ZNF438: variants seen among roughly 807,000 people sequenced by gnomAD.
ZNF438 encodes the protein zinc finger protein 438.
Under a neutral mutation model 38.0 loss-of-function variants are expected in ZNF438, and 25 were observed. The observed-to-expected ratio is 0.66, with a 90% confidence interval of 0.48 to 0.92. ZNF438 has a LOEUF of 0.92. Among genes scored for constraint, ZNF438 ranks in the 40% least tolerant of loss-of-function variants. The pLI is 0.00. For synonymous variants in ZNF438, 372 were observed against 364.1 expected (o/e 1.02, Z -0.25); for missense variants, 1,007 against 999.6 (o/e 1.01, Z -0.10).
At chr10:30,857,115 C>A (rs1275897720) in intron 4 of ZNF438, among the ~76,000 whole-genome samples, 1 of 152,090 alleles carries the variant, frequency 6.6e-6, no homozygotes, top group African/African-American at 2.4e-5. Flanking sequence ...GAAGCAATGA[C>A]CTTTTTCTTC....
chr10:30,849,745 T>C, exon 5 of ZNF438: 1 of 1,614,172 alleles, frequency 6.2e-7, no homozygotes, highest in Middle Eastern at 1.7e-4. Flanking sequence ...TGGATGATGC[T>C]GGGGTAGCAG....
At chr10:30,890,067 T>A (rs2040479792) in intron 3 of ZNF438, among the ~76,000 whole-genome samples, 1 of 146,592 alleles carries the variant, frequency 6.8e-6, no homozygotes, top group African/African-American at 2.6e-5. Context: ...AAAGGTTTTA[T>A]TATCTTTGGC....
chr10:30,898,110 A>C (rs1187026612), intron 3 of ZNF438, among the ~76,000 whole-genome samples: 1 of 152,202 alleles, frequency 6.6e-6, no homozygotes, highest in East Asian at 1.9e-4. Context: ...AAAGGCATAT[A>C]ATAGTAACTG....
Position 30,846,291 on chromosome 10 carries a change from G to T in ZNF438, c.1875-718C>A, listed in dbSNP as rs149328639. Among the ~76,000 whole-genome samples, 812 of 152,384 alleles carry T rather than the reference G, an allele frequency of 5.3e-3. 7 individuals are homozygous for T. Among genetic ancestry groups the T allele is most frequent in the African/African-American group, 0.019 (780 of 41,590 alleles). Reference sequence around the variant, plus strand: ...CAGTGAGCACCCAGCTGAAGGTGCAGCCGGGACTTGTGGGGCTAGTCCTGA... The same window carrying T: ...CAGTGAGCACCCAGCTGAAGGTGCATCCGGGACTTGTGGGGCTAGTCCTGA... On this transcript the variant is annotated intron_variant, in intron 5 of 5. Coordinates refer to ENST00000413025, the Ensembl canonical transcript of ZNF438.
intron 1 of ZNF438, among the ~76,000 whole-genome samples, chr10:30,944,919 T>A (rs1016772552): frequency 2.5e-4 from 38 of 152,194 alleles, no homozygotes; most frequent in Admixed American, 2.4e-3. Flanking sequence ...TTTATTCTTA[T>A]ATTGTTAATT....
chr10:30,881,788 T>A (rs1046609136), intron 3 of ZNF438, among the ~76,000 whole-genome samples: 1 of 152,140 alleles, frequency 6.6e-6, no homozygotes, highest in Non-Finnish European at 1.5e-5. Context: ...TACACAGATA[T>A]GTATTTTCAT....
At chr10:30,949,048 T>C (rs2135721712) in intron 1 of ZNF438, among the ~76,000 whole-genome samples, 1 of 152,140 alleles carries the variant, frequency 6.6e-6, no homozygotes, top group African/African-American at 2.4e-5. Flanking sequence ...TAACAGCGGA[T>C]CTCTCGGCAG....
At chr10:30,963,392 CAAAAAA>C (rs753557823) in intron 1 of ZNF438, among the ~76,000 whole-genome samples, 2 of 86,040 alleles carry the variant, frequency 2.3e-5, no homozygotes. Context: ...AACTCCATCT[CAAAAAA>C]AAAAAAAAAA....
At chr10:30,889,884 T>C (rs981380513) in intron 3 of ZNF438, among the ~76,000 whole-genome samples, 2 of 152,124 alleles carry the variant, frequency 1.3e-5, no homozygotes, top group Non-Finnish European at 2.9e-5. Flanking sequence ...TTTAATCTTT[T>C]TTTCCATTTC....
chr10:31,004,098 A>G lies in ZNF438; in HGVS notation c.-192+27735T>C, dbSNP rs574504359. 5.3e-5 allele frequency among the ~76,000 whole-genome samples: 8 copies of G among 152,280 alleles called. No individual in the cohort carries two copies. In the South Asian group the frequency reaches 1.7e-3, roughly 32 times the overall value. The stretch of plus-strand genomic sequence containing the variant: ...ATGCACCCAGGAGACATCTGGCAAT[A>G]TCTGGAGACATTTTGATTGTCACAA... On this transcript the variant is annotated intron_variant, in intron 1 of 5. Transcript: ENST00000413025.
chr10:30,858,512 T>C (rs2035060826), intron 4 of ZNF438, among the ~76,000 whole-genome samples: 1 of 152,082 alleles, frequency 6.6e-6, no homozygotes, highest in African/African-American at 2.4e-5. Context: ...GCAGTCAGAG[T>C]CAACAGGAAT....
intron 2 of ZNF438, among the ~76,000 whole-genome samples, chr10:30,930,803 CAAAAAAAAAAAAAAA>C (rs71527620): frequency 5.5e-4 from 21 of 38,442 alleles, no homozygotes; most frequent in African/African-American, 1.1e-3. Flanking sequence ...GAAACTCAGT[CAAAAAAAAAAAAAAA>C]AAAAAAAAAA....
intron 3 of ZNF438, among the ~76,000 whole-genome samples, chr10:30,882,126 G>A (rs535665643): frequency 2.6e-5 from 4 of 152,124 alleles, no homozygotes; most frequent in South Asian, 4.1e-4. Flanking sequence ...ATGAAAAGAC[G>A]AGCCATAAAT....
chr10:30,987,116 C>T (rs946676083), intron 1 of ZNF438, among the ~76,000 whole-genome samples: 1 of 151,932 alleles, frequency 6.6e-6, no homozygotes, highest in Non-Finnish European at 1.5e-5. Context: ...TGACATTCTA[C>T]CAATTAAAAT....
chr10:30,978,345 G>T (rs985101225), intron 1 of ZNF438, among the ~76,000 whole-genome samples: 8 of 152,064 alleles, frequency 5.3e-5, no homozygotes, highest in Non-Finnish European at 1.0e-4. Context: ...GATTTTTCAG[G>T]ATGACTAAGT....
intron 3 of ZNF438, among the ~76,000 whole-genome samples, chr10:30,878,845 GGGGTT>G (rs1419036098): frequency 6.6e-6 from 1 of 152,150 alleles, no homozygotes; most frequent in African/African-American, 2.4e-5. Context: ...CCTCCTGCAA[GGGGTT>G]GAGTGTGGCA....
chr10:30,906,664 T>G (rs1272664974), intron 3 of ZNF438, among the ~76,000 whole-genome samples: 2 of 152,238 alleles, frequency 1.3e-5, no homozygotes, highest in East Asian at 3.8e-4. Context: ...AGGGCACACT[T>G]TCAGTTTTTC....
chr10:30,846,032 A>G (rs2031986285), intron 5 of ZNF438, among the ~76,000 whole-genome samples: 1 of 152,232 alleles, frequency 6.6e-6, no homozygotes, highest in African/African-American at 2.4e-5. Context: ...CAGTAAAAAT[A>G]AAGGGTGCCT....
exon 5 of ZNF438, chr10:30,849,738 A>T: frequency 6.2e-7 from 1 of 1,614,124 alleles, no homozygotes; most frequent in Non-Finnish European, 8.5e-7. Context: ...TCTGGTGTGG[A>T]TGATGCTGGG....
Sources: allele counts gnomAD v4.1 joint callset (sites outside exome capture counted in the v4.1 genomes callset), GRCh38; gene constraint gnomAD v4.1.1; transcripts MANE v1.5; gene names NCBI Gene and HGNC (gene_info 2026-07-23, HGNC 2026-07-21).